Variants in CCT5 observed in about 807,000 individuals in gnomAD.
CCT5 encodes the protein T-complex protein 1 subunit epsilon.
Under a neutral mutation model 55.0 loss-of-function variants are expected in CCT5, and 6 were observed. The ratio of observed to expected loss-of-function variants is 0.11; its 90% CI spans 0.06 to 0.22. The LOEUF is 0.22. Ranked by LOEUF, CCT5 falls within the 10% of genes least tolerant of loss-of-function variation. The pLI is 1.00. For synonymous variants in CCT5, 231 were observed against 243.7 expected (o/e 0.95, Z 0.49); for missense variants, 560 against 694.6 (o/e 0.81, Z 2.18).
At chr5:10,261,298 G>A (rs2126514203) in intron 7 of CCT5, 1 of 521,220 alleles carries the variant, frequency 1.9e-6, no homozygotes, top group Non-Finnish European at 3.5e-6. Flanking sequence ...TGCACAGATG[G>A]GAGATGAGGG....
intron 10 of CCT5, 37 bp downstream of exon 10, chr5:10,263,351 GA>G (rs370363614): frequency 0.18 from 18,311 of 99,378 alleles, 544 homozygotes; most frequent in African/African-American, 0.33. Context: ...GAGGGGGGGG[GA>G]TGTCTGATTT....
At chr5:10,254,965 C>A in intron 3 of CCT5, 127 bp downstream of exon 3, 1 of 757,560 alleles carries the variant, frequency 1.3e-6, no homozygotes, top group Non-Finnish European at 2.2e-6. Flanking sequence ...AAGTTGAAAA[C>A]ATGCTACAAA....
At chr5:10,256,303 G>T in intron 4 of CCT5, 150 bp downstream of exon 4, 1 of 715,092 alleles carries the variant, frequency 1.4e-6, no homozygotes, top group Non-Finnish European at 2.5e-6. Context: ...TTTTAATGTA[G>T]ATGTAGACAG....
At chr5:10,260,699 T>C (rs2126512921) in intron 6 of CCT5, 93 bp from the exon 7 acceptor site, 2 of 1,400,908 alleles carry the variant, frequency 1.4e-6, no homozygotes, top group East Asian at 4.6e-5. Context: ...GCACCTGCCT[T>C]ACACCCAACT....
At chr5:10,254,576 A>G in intron 2 of CCT5, 98 bp from the exon 3 acceptor site, 1 of 1,023,322 alleles carries the variant, frequency 9.8e-7, no homozygotes, top group South Asian at 1.3e-5. Context: ...TATATAATAA[A>G]TTGCACAGAT....
At chr5:10,264,501 A>G (rs1313522866) in intron 10 of CCT5, 155 bp from the exon 11 acceptor site, 4 of 659,684 alleles carry the variant, frequency 6.1e-6, no homozygotes, top group African/African-American at 1.8e-5. Context: ...CATTCATCTG[A>G]AAATGAAATA....
rs567760368 is a variant in CCT5, at chr5:10,264,708, A to T, written c.1551A>T (p.Ile517=). Residue 517 remains isoleucine (I), a synonymous_variant, in exon 11 of 11, where the codon ATA becomes ATT. Transcript: ENST00000280326. ...CCTTGATTGGCAAAAAGCAACAGAT[A>T]TCTCTTGCAACACAAATGGTTAGAA... ...IETLIGKKQQ[I]SLATQMVRMI... The T allele has an allele frequency of 6.2e-7, 1 of 1,614,056 alleles. No individual in the cohort carries two copies. Among genetic ancestry groups the T allele is most frequent in the Non-Finnish European group, 8.5e-7 (1 of 1,179,904 alleles).
intron 3 of CCT5, 190 bp downstream of exon 3, chr5:10,255,028 C>A (rs1393459262): frequency 1.6e-6 from 1 of 612,668 alleles, no homozygotes; most frequent in South Asian, 1.9e-5. Flanking sequence ...AGAAAGAGGG[C>A]TGGGGATTGT....
At position 10,256,091 on chromosome 5, in the gene CCT5, T is replaced by G. The variant is rs1413684629; in HGVS notation, c.468T>G (p.Leu156=). 2 of 1,613,908 alleles carry G rather than the reference T, an allele frequency of 1.2e-6. No homozygotes were observed. The highest frequency in any genetic ancestry group is 2.7e-5 in the African/African-American group (2 of 74,922). ...TGGACAAGATCAGCGATAGCGTCCT[T>G]GTTGACATAAAGGACACCGAACCCC... The part of the protein sequence containing the change: ...EHLDKISDSV[L]VDIKDTEPLI... The change falls in exon 4 of 11, where the codon CTT becomes CTG. Residue 156 remains leucine, a synonymous_variant. Coordinates refer to ENST00000280326, the MANE Select transcript of CCT5 (RefSeq NM_012073.5).
At chr5:10,250,205 T>C, upstream of CCT5, 1 of 1,550,496 alleles carries the variant, frequency 6.4e-7, no homozygotes, top group East Asian at 2.4e-5. Flanking sequence ...GAAATTAGTC[T>C]CAGTAGAAAC....
In CCT5 at chr5:10,265,196, TC is replaced by T. The variant is rs1196822320; in HGVS notation, c.*415del. On this transcript the variant is annotated 3_prime_UTR_variant, in exon 11 of 11. Transcript: ENST00000280326. ...GAGAGGAATATGGGCTTGATCCTCT[TC>T]CTATCTAAATGGGTGGGCCATTTGA... 1 of 206,502 alleles carries T rather than the reference TC, an allele frequency of 4.8e-6. No individual in the cohort carries two copies. Among genetic ancestry groups the T allele is most frequent in the Admixed American group, 5.4e-5 (1 of 18,604 alleles). The allele number at this position is 206,502 out of a possible 1,614,324, so 12.8% of individuals were successfully genotyped here.
Position 10,264,883 on chromosome 5 carries a change from G to A in CCT5, c.*100G>A. 2 of 1,478,106 alleles carry A rather than the reference G, an allele frequency of 1.4e-6. No individual in the cohort carries two copies. The highest frequency in any genetic ancestry group is 1.9e-6 in the Non-Finnish European group (2 of 1,064,746). 91.6% of individuals were successfully genotyped at this position (1,478,106 alleles called of 1,614,324 possible). ...TTATTTATTGTTACATCCTTTTCCA[G>A]ACACTGTAGATGCTATAATAAAAAT... On this transcript the variant is annotated 3_prime_UTR_variant, in exon 11 of 11. Coordinates refer to ENST00000280326, the MANE Select transcript of CCT5 (RefSeq NM_012073.5).
intron 8 of CCT5, chr5:10,262,022 C>T (rs1745988291): frequency 4.6e-6 from 2 of 430,598 alleles, no homozygotes; most frequent in Admixed American, 3.6e-5. Flanking sequence ...ATATTCAAGT[C>T]CTGGATTTTA....
intron 1 of CCT5, among the ~76,000 whole-genome samples, chr5:10,251,929 C>T (rs1745442964): frequency 6.6e-6 from 1 of 152,176 alleles, no homozygotes; most frequent in African/African-American, 2.4e-5. Context: ...GCCCAGAAGT[C>T]GCACACTCTG....
At chr5:10,261,995 A>T (rs1399988127) in intron 8 of CCT5, 6 of 474,858 alleles carry the variant, frequency 1.3e-5, no homozygotes, top group Non-Finnish European at 2.3e-5. Flanking sequence ...CTTTTTAAAT[A>T]CTTAAACACA....
chr5:10,257,829 C>T, intron 4 of CCT5: 1 of 469,140 alleles, frequency 2.1e-6, no homozygotes, highest in South Asian at 2.1e-5. Flanking sequence ...ACAGTGGTTT[C>T]TTGAGTACAT....
At chr5:10,250,248 C>G (rs540982644), upstream of CCT5, 1 of 1,593,356 alleles carries the variant, frequency 6.3e-7, no homozygotes, top group South Asian at 1.1e-5. Context: ...TGCGCGTGCG[C>G]AAGCTTTTGG....
chr5:10,256,198 AGTTT>A, intron 4 of CCT5, 45 bp downstream of exon 4: 3 of 1,531,032 alleles, frequency 2.0e-6, no homozygotes, highest in Non-Finnish European at 2.7e-6. Context: ...TAGAGGAGGC[AGTTT>A]GTTTGCCATT....
Position 10,258,094 on chromosome 5 carries a change from TGTG to T in CCT5, c.531-13_531-11del, listed in dbSNP as rs1373663709. The T allele has an allele frequency of 6.2e-7, 1 of 1,613,718 alleles. No individual in the cohort carries two copies. Among genetic ancestry groups the T allele is most frequent in the Non-Finnish European group, 8.5e-7 (1 of 1,179,732 alleles). ...ATTGTGAAACCAATGAAGTTTGTTT[TGTG>T]GTGTTTTCCTCAGGGTCAACAGTTG... On this transcript the variant is annotated splice_polypyrimidine_tract_variant and intron_variant, in intron 4 of 10. Transcript: ENST00000280326.
Sources: allele counts gnomAD v4.1 joint callset (sites outside exome capture counted in the v4.1 genomes callset), GRCh38; gene constraint gnomAD v4.1.1; transcripts MANE v1.5; gene names NCBI Gene and HGNC (gene_info 2026-07-23, HGNC 2026-07-21).